The following OTUD7A variants were observed in gnomAD, a reference collection of about 807,000 sequenced individuals.
OTUD7A encodes OTU deubiquitinase 7A, also known as OTU domain-containing protein 7A.
Under a neutral mutation model 65.7 loss-of-function variants are expected in OTUD7A, and 12 were observed. The observed-to-expected ratio is 0.18, with a 90% CI of 0.12 to 0.30. OTUD7A has a LOEUF of 0.30. OTUD7A is among the 10% of genes least tolerant of loss of function. The probability of loss-of-function intolerance (pLI) is 1.00; values close to 1 mark genes in which losing one functional copy is unlikely to be tolerated. For synonymous variants in OTUD7A, 641 were observed against 586.3 expected (o/e 1.09, Z -1.35); for missense variants, 1,148 against 1,304.8 (o/e 0.88, Z 1.85).
rs143221924 is a variant in OTUD7A, at chr15:31,502,802, G to A, written c.1021+889C>T. On this transcript the variant is annotated intron_variant, in intron 9 of 12. Coordinates refer to ENST00000307050, the MANE Select transcript of OTUD7A (RefSeq NM_001382637.1). ...GAGACCTGCAGACCTCAGCAGGCCC[G>A]CGTCCCTGAGCCACACAGGGAAGGG... is the stretch of plus-strand genomic sequence containing the variant. Among the ~76,000 whole-genome samples the A allele has an allele frequency of 1.3e-3, 205 of 152,302 alleles. 1 individual carries two copies. The highest frequency in any genetic ancestry group is 4.4e-3 in the African/African-American group (183 of 41,572).
rs572161932 is a variant in OTUD7A, at chr15:31,840,445, A to T, written c.-100+30062T>A. 2.7e-4 allele frequency among the ~76,000 whole-genome samples: 41 copies of T among 149,170 alleles called. No individual in the cohort carries two copies. In the South Asian group the frequency reaches 7.6e-3, roughly 28 times the overall value. The stretch of plus-strand genomic sequence containing the variant: ...ACAGCAAGACTTCGTCTCAAAAATT[A>T]AAAAATAAAAATAAAAATAAAAAAT... On this transcript the variant is annotated intron_variant, in intron 1 of 12. Coordinates refer to ENST00000307050, the MANE Select transcript of OTUD7A (RefSeq NM_001382637.1).
At chr15:31,517,963 G>C (rs1383828923) in intron 8 of OTUD7A, among the ~76,000 whole-genome samples, 1 of 152,144 alleles carries the variant, frequency 6.6e-6, no homozygotes, top group Non-Finnish European at 1.5e-5. Flanking sequence ...CACCCAGACG[G>C]AGAGCCTGGA....
intron 1 of OTUD7A, chr15:31,766,393 C>T (rs185400686): frequency 7.6e-6 from 12 of 1,585,798 alleles, no homozygotes; most frequent in South Asian, 6.6e-5. Flanking sequence ...TCGATGGCAA[C>T]CCTCTCTAAA....
chr15:31,611,117 G>A (rs531571535), intron 3 of OTUD7A, among the ~76,000 whole-genome samples: 4 of 152,032 alleles, frequency 2.6e-5, no homozygotes, highest in South Asian at 2.1e-4. Flanking sequence ...TGACAATAAC[G>A]ACACAACCTA....
At chr15:31,720,965 TTATAG>T (rs1893721394) in intron 1 of OTUD7A, among the ~76,000 whole-genome samples, 1 of 151,814 alleles carries the variant, frequency 6.6e-6, no homozygotes, top group Non-Finnish European at 1.5e-5. Context: ...TACCATTGTG[TTATAG>T]TTGCCTGTAG....
At chr15:31,680,293 T>C (rs2338929) in intron 1 of OTUD7A, among the ~76,000 whole-genome samples, 3 of 152,192 alleles carry the variant, frequency 2.0e-5, no homozygotes, top group Non-Finnish European at 2.9e-5. Flanking sequence ...AATTCTGCCA[T>C]TCAGTATCTT....
chr15:31,844,642 C>T (rs1035323760), intron 1 of OTUD7A, among the ~76,000 whole-genome samples: 66 of 152,234 alleles, frequency 4.3e-4, no homozygotes, highest in African/African-American at 1.5e-3. Context: ...ATACAACTCC[C>T]AGAACTCCTG....
intron 8 of OTUD7A, among the ~76,000 whole-genome samples, chr15:31,524,145 T>C (rs2041977249): frequency 6.6e-6 from 1 of 152,044 alleles, no homozygotes; most frequent in African/African-American, 2.4e-5. Flanking sequence ...TTTTTGTTTT[T>C]TTTTTTCCCT....
At chr15:31,774,663 T>A (rs1431458767) in intron 1 of OTUD7A, among the ~76,000 whole-genome samples, 1 of 152,200 alleles carries the variant, frequency 6.6e-6, no homozygotes. Context: ...GCAACATCAG[T>A]TTCTGTGCCA....
At chr15:31,675,101 G>GA (rs537762884) in intron 1 of OTUD7A, among the ~76,000 whole-genome samples, 213 of 144,250 alleles carry the variant, frequency 1.5e-3, no homozygotes, top group African/African-American at 2.0e-3. Context: ...AGAGGCAATA[G>GA]AAAAAAAAAA....
chr15:31,634,481 G>A (rs1891278158), intron 3 of OTUD7A, among the ~76,000 whole-genome samples: 1 of 152,154 alleles, frequency 6.6e-6, no homozygotes, highest in Non-Finnish European at 1.5e-5. Context: ...GCAAGCCACA[G>A]CACGTGCTCT....
intron 7 of OTUD7A, among the ~76,000 whole-genome samples, 168 bp downstream of exon 7, chr15:31,527,013 C>T (rs1043819853): frequency 6.6e-6 from 1 of 152,214 alleles, no homozygotes; most frequent in African/African-American, 2.4e-5. Flanking sequence ...TTAACAGGCT[C>T]CTCCTCTGTG....
chr15:31,722,586 A>G (rs941723365), intron 1 of OTUD7A, among the ~76,000 whole-genome samples: 1 of 152,242 alleles, frequency 6.6e-6, no homozygotes, highest in Non-Finnish European at 1.5e-5. Context: ...CATCACAGAA[A>G]GAGGTCTGGG....
chr15:31,484,020 G>A lies in OTUD7A; in HGVS notation c.2076C>T (p.Ala692=), dbSNP rs1595548424. The A allele has an allele frequency of 1.6e-6, 2 of 1,221,592 alleles. No individual in the cohort carries two copies. Among genetic ancestry groups the A allele is most frequent in the African/African-American group, 1.6e-5 (1 of 63,152 alleles). The allele number at this position is 1,221,592 out of a possible 1,614,324, so 75.7% of individuals were successfully genotyped here. The stretch of plus-strand genomic sequence containing the variant: ...GCCGCTTGGCCGTGGCGGCGGCGGC[G>A]GCGGCGGCAGCGGCGGCCGCAGTAG... The part of the protein sequence containing the change: ...DAATAAAAAA[A]AAAATAKRPP... The change falls in exon 13 of 13, where the codon GCC becomes GCT. Residue 692 remains alanine, a synonymous_variant. Transcript: ENST00000307050. The surrounding 1 kb of genome is among the most constrained non-coding windows in gnomAD (Gnocchi z 4.5).
chr15:31,551,772 G>A (rs1174256802), intron 5 of OTUD7A, among the ~76,000 whole-genome samples: 1 of 152,140 alleles, frequency 6.6e-6, no homozygotes, highest in Non-Finnish European at 1.5e-5. Context: ...CTGGGCCCTC[G>A]GATGTCCCCT....
intron 1 of OTUD7A, among the ~76,000 whole-genome samples, chr15:31,782,795 C>T (rs1340293896): frequency 5.3e-5 from 8 of 152,088 alleles, no homozygotes; most frequent in Non-Finnish European, 7.4e-5. Context: ...TTAAAGATGC[C>T]ACTTCTAAAA....
At position 31,851,545 on chromosome 15, in the gene OTUD7A, G is replaced by A. The variant is rs150719152; in HGVS notation, c.-100+18962C>T. Among the ~76,000 whole-genome samples the A allele has an allele frequency of 2.9e-3, 441 of 152,316 alleles. 1 individual carries two copies. The highest frequency in any genetic ancestry group is 5.2e-3 in the Non-Finnish European group (354 of 68,020). On this transcript the variant is annotated intron_variant, in intron 1 of 12. Transcript: ENST00000307050. ...ATTTTCCAAGATATCACACATTCTG[G>A]TTGTACAGGTGACCCCAGGATGTAG...
chr15:31,767,716 A>T (rs1300022742), intron 1 of OTUD7A: 14 of 716,648 alleles, frequency 2.0e-5, no homozygotes, highest in Non-Finnish European at 3.4e-5. Context: ...TTATTATTTC[A>T]TGTTTTATTT....
intron 1 of OTUD7A, among the ~76,000 whole-genome samples, chr15:31,798,797 G>C (rs992023495): frequency 7.9e-5 from 12 of 152,224 alleles, no homozygotes; most frequent in Non-Finnish European, 1.6e-4. Flanking sequence ...AGGAAGCCAG[G>C]GGGAGGCTCA....
Sources: gnomAD v4.1 joint callset for allele counts (sites outside exome capture counted in the v4.1 genomes callset) on GRCh38, gnomAD v4.1.1 for gene constraint, Gnocchi (gnomAD v3.1) non-coding constraint, MANE v1.5 for transcripts, NCBI Gene and HGNC (gene_info 2026-07-23, HGNC 2026-07-21) for gene names.